The following CDC14A variants were observed in gnomAD, a reference collection of about 807,000 sequenced individuals.
CDC14A encodes the protein dual specificity protein phosphatase CDC14A.
In CDC14A, 53 loss-of-function variants were observed where a neutral mutation model predicts 74.4. The observed-to-expected ratio is 0.71, with a 90% CI of 0.57 to 0.89. The LOEUF (loss-of-function observed/expected upper bound fraction) is 0.89, where lower values mean the gene tolerates loss of function less well. CDC14A is among the 40% of genes least tolerant of loss of function. The probability of loss-of-function intolerance (pLI) is 0.00; values close to 1 mark genes in which losing one functional copy is unlikely to be tolerated. For missense variants in CDC14A, 646 were observed against 713.7 expected (o/e 0.91, Z 1.08); for synonymous variants, 247 against 258.4 (o/e 0.96, Z 0.43).
At chr1:100,492,925 C>A (rs549940594) in intron 11 of CDC14A, among the ~76,000 whole-genome samples, 1 of 151,858 alleles carries the variant, frequency 6.6e-6, no homozygotes, top group African/African-American at 2.4e-5. Flanking sequence ...ACTATATAGC[C>A]TGATTCTATA....
At chr1:100,414,416 C>G (rs1037021921) in intron 4 of CDC14A, among the ~76,000 whole-genome samples, 3 of 152,298 alleles carry the variant, frequency 2.0e-5, no homozygotes, top group South Asian at 2.1e-4. Flanking sequence ...TAATTGCTAA[C>G]AGGTGTTAAG....
At chr1:100,414,451 C>G (rs922626206) in intron 4 of CDC14A, among the ~76,000 whole-genome samples, 13 of 152,220 alleles carry the variant, frequency 8.5e-5, no homozygotes, top group Admixed American at 7.2e-4. Context: ...CAGTCCTGGT[C>G]TGTTACAGTG....
chr1:100,442,063 A>G (rs1221913752), intron 6 of CDC14A, among the ~76,000 whole-genome samples: 1 of 151,804 alleles, frequency 6.6e-6, no homozygotes, highest in African/African-American at 2.4e-5. Flanking sequence ...GTTCTCTTTA[A>G]AATATTAGAT....
Position 100,455,427 on chromosome 1 carries a change from A to G in CDC14A, c.542A>G (p.Asn181Ser), listed in dbSNP as rs750581079. 2 of 1,603,664 alleles carry G rather than the reference A, an allele frequency of 1.2e-6. No individual in the cohort carries two copies. Among genetic ancestry groups the G allele is most frequent in the Admixed American group, 1.7e-5 (1 of 58,236 alleles). Residue 181 changes from asparagine (N) to serine (S), a missense_variant, in exon 8 of 16, where the codon AAC (asparagine) becomes AGC (serine). Coordinates refer to ENST00000336454, the MANE Select transcript of CDC14A (RefSeq NM_003672.4). ...HYERVENGDF[N>S]WIVPGKFLAF... ...CAGCGAGTTGAAAATGGTGACTTCA[A>G]CTGGATTGTTCCAGGAAAATTTTTA...
intron 2 of CDC14A, among the ~76,000 whole-genome samples, chr1:100,360,108 ATTTTTTTT>A (rs35028152): frequency 2.4e-5 from 3 of 123,726 alleles, no homozygotes; most frequent in Non-Finnish European, 5.0e-5. Context: ...ACACCCAGCT[ATTTTTTTT>A]TTTTTTTTTT....
Position 100,468,010 on chromosome 1 carries a change from G to T in CDC14A, c.893G>T (p.Arg298Met), listed in dbSNP as rs1221420083. ...GCCTGTTATGTAATGAAACACTACAGGTTTACACATGCTGAAATAATTGCT... is the reference window on the plus strand; with the variant it reads ...GCCTGTTATGTAATGAAACACTACATGTTTACACATGCTGAAATAATTGCT... ...LIACYVMKHYRFTHAEIIAWI... is the reference protein window; with the variant it reads ...LIACYVMKHYMFTHAEIIAWI... Residue 298 changes from arginine to methionine, a missense_variant, in exon 10 of 16, where the codon AGG (arginine) becomes ATG (methionine). Transcript: ENST00000336454. The T allele has an allele frequency of 1.2e-6, 2 of 1,612,696 alleles. No homozygotes were observed. The highest frequency in any genetic ancestry group is 1.7e-6 in the Non-Finnish European group (2 of 1,179,454).
At chr1:100,420,214 A>AAGATCAT (rs1662204517) in intron 4 of CDC14A, among the ~76,000 whole-genome samples, 1 of 148,048 alleles carries the variant, frequency 6.8e-6, no homozygotes, top group South Asian at 2.2e-4. Context: ...TCCCCAGAGA[A>AAGATCAT]AGATCATTAG....
intron 13 of CDC14A, 107 bp from the exon 14 acceptor site, chr1:100,497,978 T>C (rs1261188060): frequency 8.3e-7 from 1 of 1,197,882 alleles, no homozygotes; most frequent in African/African-American, 1.5e-5. Context: ...TATTAGGACC[T>C]GTCATGATAT....
At chr1:100,499,315 G>GTGCCT (rs1376132722) in intron 15 of CDC14A, 53 bp downstream of exon 15, 1 of 1,614,106 alleles carries the variant, frequency 6.2e-7, no homozygotes, top group Non-Finnish European at 8.5e-7. Flanking sequence ...TGCAACTTCT[G>GTGCCT]TGCCTTGCCT....
chr1:100,414,547 C>CTT (rs368746841), intron 4 of CDC14A, among the ~76,000 whole-genome samples: 1 of 151,942 alleles, frequency 6.6e-6, no homozygotes, highest in African/African-American at 2.4e-5. Flanking sequence ...AAATAACATA[C>CTT]TTTTTTTTCA....
intron 13 of CDC14A, among the ~76,000 whole-genome samples, chr1:100,497,743 G>C (rs1246348880): frequency 1.3e-5 from 2 of 152,214 alleles, no homozygotes; most frequent in African/African-American, 4.8e-5. Flanking sequence ...GCAGGACTTT[G>C]ACTCCTGGGT....
intron 10 of CDC14A, among the ~76,000 whole-genome samples, chr1:100,479,431 C>G (rs1669236911): frequency 6.6e-6 from 1 of 152,110 alleles, no homozygotes; most frequent in African/African-American, 2.4e-5. Flanking sequence ...TGTCCCCGAC[C>G]CCACCTTCTG....
At chr1:100,458,286 A>G (rs1666933579) in intron 8 of CDC14A, among the ~76,000 whole-genome samples, 1 of 152,194 alleles carries the variant, frequency 6.6e-6, no homozygotes, top group Non-Finnish European at 1.5e-5. Flanking sequence ...ATTTTATTAT[A>G]GAGGATGTAC....
At chr1:100,505,061 T>C in intron 15 of CDC14A, 3 of 926,950 alleles carry the variant, frequency 3.2e-6, no homozygotes, top group Non-Finnish European at 4.6e-6. Context: ...TTTAAACTTC[T>C]TTTGCAGACA....
intron 4 of CDC14A, among the ~76,000 whole-genome samples, chr1:100,416,936 G>T (rs148039094): frequency 0.013 from 1,917 of 152,084 alleles, 38 homozygotes; most frequent in African/African-American, 0.044. Context: ...CGTATAAAAC[G>T]CCCACTATTT....
At chr1:100,367,128 G>A (rs146837174) in intron 2 of CDC14A, among the ~76,000 whole-genome samples, 1,734 of 152,214 alleles carry the variant, frequency 0.011, 31 homozygotes, top group African/African-American at 0.04. Context: ...AGTGCACTCA[G>A]CCCTCAGATT....
chr1:100,475,886 G>A (rs898413753), intron 10 of CDC14A, among the ~76,000 whole-genome samples: 1 of 152,078 alleles, frequency 6.6e-6, no homozygotes, highest in Non-Finnish European at 1.5e-5. Context: ...CGAAATTGGG[G>A]GATCTCATTA....
At chr1:100,428,825 A>T in intron 5 of CDC14A, among the ~76,000 whole-genome samples, 1 of 152,006 alleles carries the variant, frequency 6.6e-6, no homozygotes, top group East Asian at 1.9e-4. Context: ...TTTTATACTT[A>T]TTTCTTTGTT....
chr1:100,350,498 T>G (rs1650856635), upstream of CDC14A, among the ~76,000 whole-genome samples: 2 of 152,392 alleles, frequency 1.3e-5, no homozygotes, highest in African/African-American at 4.8e-5. Context: ...GACTTGTATT[T>G]GTTAGGTCAT....
Sources: gnomAD v4.1 joint callset for allele counts (sites outside exome capture counted in the v4.1 genomes callset) on GRCh38, gnomAD v4.1.1 for gene constraint, MANE v1.5 for transcripts, NCBI Gene and HGNC (gene_info 2026-07-23, HGNC 2026-07-21) for gene names.